The following SCD5 variants were observed in gnomAD, a reference collection of about 807,000 sequenced individuals.
SCD5 encodes the protein acyl-CoA-desaturase 4.
In SCD5, 20 loss-of-function variants were observed where a neutral mutation model predicts 30.4. The ratio of observed to expected loss-of-function variants is 0.66; its 90% CI spans 0.46 to 0.96. The LOEUF (loss-of-function observed/expected upper bound fraction) is 0.96, where lower values mean the gene tolerates loss of function less well. Ranked by LOEUF, SCD5 falls within the 40% of genes least tolerant of loss-of-function variation. SCD5 has a pLI of 0.00. For missense variants in SCD5, 381 were observed against 443.3 expected (o/e 0.86, Z 1.26); for synonymous variants, 173 against 176.4 (o/e 0.98, Z 0.16).
At chr4:82,761,056 A>G (rs560332787) in intron 1 of SCD5, among the ~76,000 whole-genome samples, 2 of 152,334 alleles carry the variant, frequency 1.3e-5, no homozygotes, top group South Asian at 4.2e-4. Flanking sequence ...CATGTATTTC[A>G]CCAGCATGAT....
intron 1 of SCD5, among the ~76,000 whole-genome samples, chr4:82,736,380 AG>A (rs1451477490): frequency 6.6e-6 from 1 of 151,838 alleles, no homozygotes; most frequent in East Asian, 1.9e-4. Context: ...AGGCTGAGGC[AG>A]GTGGATCAGC....
In SCD5 at chr4:82,675,754, G is replaced by C. The variant is rs545214777; in HGVS notation, c.569+4953C>G. The stretch of plus-strand genomic sequence containing the variant: ...TATCTTCATTTTGTCATCTGAGAAA[G>C]ATGATTTGAGATTCCAGTTTCTGTT... On this transcript the variant is annotated intron_variant, in intron 3 of 4. Transcript: ENST00000319540. Among the ~76,000 whole-genome samples, 4 of 152,324 alleles carry C rather than the reference G, an allele frequency of 2.6e-5. No homozygotes were observed. The South Asian group carries it at 8.3e-4, about 32-fold the overall frequency.
intron 2 of SCD5, among the ~76,000 whole-genome samples, chr4:82,701,080 G>A (rs1202624182): frequency 6.6e-6 from 1 of 152,136 alleles, no homozygotes; most frequent in Non-Finnish European, 1.5e-5. Flanking sequence ...CAACAATGTC[G>A]TAAAAGACAG....
rs112002029 is a variant in SCD5, at chr4:82,713,359, C to G, written c.233-7946G>C. On this transcript the variant is annotated intron_variant, in intron 1 of 4. Coordinates refer to ENST00000319540, the MANE Select transcript of SCD5 (RefSeq NM_001037582.3). ...AATAAGCATGAAAGTCATAGCAGAT[C>G]ACTAAGAAACACAAAATTATAGCAT... Among the ~76,000 whole-genome samples, 8 of 152,306 alleles carry G rather than the reference C, an allele frequency of 5.3e-5. 1 individual carries two copies. The highest frequency in any genetic ancestry group is 1.9e-4 in the African/African-American group (8 of 41,564).
intron 1 of SCD5, among the ~76,000 whole-genome samples, chr4:82,759,378 C>G (rs13119742): frequency 0.22 from 33,654 of 152,104 alleles, 5,207 homozygotes; most frequent in African/African-American, 0.44. Context: ...CTGCCCCAGG[C>G]AGCTTCACAA....
rs887314871 is a variant in SCD5, at chr4:82,785,677, G to C, written c.232+12629C>G. ...TGCTAAAAATGACAAGGGGTGGAGAGAAAATTATTTTTTCTCCCTCTACAG... is the reference window on the plus strand; with the variant it reads ...TGCTAAAAATGACAAGGGGTGGAGACAAAATTATTTTTTCTCCCTCTACAG... On this transcript the variant is annotated intron_variant, in intron 1 of 4. Coordinates refer to ENST00000319540, the MANE Select transcript of SCD5 (RefSeq NM_001037582.3). Among the ~76,000 whole-genome samples the C allele has an allele frequency of 3.0e-4, 46 of 152,258 alleles. 1 individual carries two copies. The highest frequency in any genetic ancestry group is 1.8e-3 in the Admixed American group (27 of 15,282).
chr4:82,664,985 CTCTCTCTCTCTCTCTATA>C (rs1240284320), intron 3 of SCD5, among the ~76,000 whole-genome samples: 2 of 109,342 alleles, frequency 1.8e-5, no homozygotes, highest in African/African-American at 9.7e-5. Flanking sequence ...CTCTCTCTCT[CTCTCTCTCTCTCTCTATA>C]TATATATATA....
chr4:82,634,123 A>C (rs1004451070), intron 4 of SCD5, among the ~76,000 whole-genome samples: 3 of 152,210 alleles, frequency 2.0e-5, no homozygotes, highest in Non-Finnish European at 4.4e-5. Flanking sequence ...CATTATATGG[A>C]TGTACAACAT....
At chr4:82,700,216 C>CA (rs1022690795) in intron 2 of SCD5, among the ~76,000 whole-genome samples, 3 of 151,636 alleles carry the variant, frequency 2.0e-5, no homozygotes, top group African/African-American at 7.3e-5. Context: ...GACTCCATCT[C>CA]AAAAAAGATA....
intron 1 of SCD5, among the ~76,000 whole-genome samples, chr4:82,722,329 CT>C (rs1213165645): frequency 6.6e-6 from 1 of 152,036 alleles, no homozygotes; most frequent in African/African-American, 2.4e-5. Context: ...TTGTAGCCTC[CT>C]ATGTCAGCAC....
At chr4:82,750,106 T>C (rs1056011615) in intron 1 of SCD5, among the ~76,000 whole-genome samples, 2 of 152,338 alleles carry the variant, frequency 1.3e-5, no homozygotes, top group Non-Finnish European at 2.9e-5. Flanking sequence ...TTACACAAAA[T>C]AGTCCATAAA....
intron 1 of SCD5, among the ~76,000 whole-genome samples, chr4:82,763,118 T>C (rs1305391827): frequency 6.6e-6 from 1 of 152,230 alleles, no homozygotes; most frequent in East Asian, 1.9e-4. Flanking sequence ...TCCCTATCTG[T>C]TGTGGGCTGA....
At chr4:82,675,642 T>A (rs993736080) in intron 3 of SCD5, among the ~76,000 whole-genome samples, 1 of 152,194 alleles carries the variant, frequency 6.6e-6, no homozygotes, top group Non-Finnish European at 1.5e-5. Flanking sequence ...CATGACAGCA[T>A]TTACATGTAA....
At chr4:82,703,198 T>C (rs1208988869) in intron 2 of SCD5, among the ~76,000 whole-genome samples, 1 of 152,234 alleles carries the variant, frequency 6.6e-6, no homozygotes. Flanking sequence ...AAAAATCCAC[T>C]ACAAATGTGG....
chr4:82,725,391 G>C (rs1172679240), intron 1 of SCD5, among the ~76,000 whole-genome samples: 8 of 152,244 alleles, frequency 5.3e-5, no homozygotes, highest in Non-Finnish European at 1.5e-5. Context: ...CCATACTTGA[G>C]TTTTATTTTC....
intron 2 of SCD5, among the ~76,000 whole-genome samples, chr4:82,696,342 A>T (rs1719695291): frequency 6.6e-6 from 1 of 152,234 alleles, no homozygotes; most frequent in Admixed American, 6.5e-5. Flanking sequence ...GCTGGCTGGC[A>T]TTAATGGGAA....
intron 3 of SCD5, among the ~76,000 whole-genome samples, chr4:82,654,854 C>T (rs1727838536): frequency 1.3e-5 from 2 of 152,096 alleles, no homozygotes; most frequent in Admixed American, 6.5e-5. Context: ...ATAATAATGA[C>T]AAAAATTGTA....
chr4:82,769,130 C>T (rs1259873683), intron 1 of SCD5, among the ~76,000 whole-genome samples: 1 of 152,104 alleles, frequency 6.6e-6, no homozygotes, highest in African/African-American at 2.4e-5. Context: ...ATGGTCTCCC[C>T]TCAAGCACAT....
intron 2 of SCD5, among the ~76,000 whole-genome samples, chr4:82,694,096 G>A (rs116645714): frequency 0.027 from 4,098 of 152,304 alleles, 214 homozygotes; most frequent in African/African-American, 0.094. Flanking sequence ...CCTAGCCGCA[G>A]GCGCCTCTGC....
Sources: gnomAD v4.1 joint callset for allele counts (sites outside exome capture counted in the v4.1 genomes callset) on GRCh38, gnomAD v4.1.1 for gene constraint, MANE v1.5 for transcripts, NCBI Gene and HGNC (gene_info 2026-07-23, HGNC 2026-07-21) for gene names.